Variants in RFX3 observed in about 807,000 individuals in gnomAD.
RFX3 encodes the protein transcription factor RFX3.
Under a neutral mutation model 98.6 loss-of-function variants are expected in RFX3, and 14 were observed. The observed-to-expected ratio is 0.14, with a 90% CI of 0.09 to 0.22. The LOEUF (loss-of-function observed/expected upper bound fraction) is 0.22, where lower values mean the gene tolerates loss of function less well. Among genes scored for constraint, RFX3 ranks in the 10% least tolerant of loss-of-function variants. RFX3 has a pLI of 1.00. For missense variants in RFX3, 639 were observed against 926.9 expected (o/e 0.69, Z 4.03); for synonymous variants, 383 against 328.4 (o/e 1.17, Z -1.80).
chr9:3,247,250 C>T lies in RFX3; in HGVS notation c.1968+782G>A, dbSNP rs1449249482. On this transcript the variant is annotated intron_variant, in intron 15 of 16. Transcript: ENST00000617270. Reference sequence around the variant, plus strand: ...ATCTATTCCTCATTATATTAACCAGCCCTTGTTATATTCAGAGTTTAAGCT... The same window carrying T: ...ATCTATTCCTCATTATATTAACCAGTCCTTGTTATATTCAGAGTTTAAGCT... 3.6e-6 allele frequency: 3 copies of T among 838,740 alleles called. No homozygotes were observed. In the South Asian group the frequency reaches 1.8e-4, roughly 51 times the overall value. The allele number at this position is 838,740 out of a possible 1,614,324, so 52.0% of individuals were successfully genotyped here. A position where few individuals can be genotyped will look rare whatever the true frequency, so the allele number is the denominator to read the frequency against.
chr9:3,250,799 T>C (rs997097404), intron 14 of RFX3, among the ~76,000 whole-genome samples: 1 of 152,084 alleles, frequency 6.6e-6, no homozygotes, highest in African/African-American at 2.4e-5. Flanking sequence ...CATACAAAGA[T>C]GTTTATAATA....
chr9:3,297,177 A>G lies in RFX3; in HGVS notation c.550-3919T>C, dbSNP rs558122355. Among the ~76,000 whole-genome samples the G allele has an allele frequency of 1.5e-3, 228 of 152,202 alleles. 1 individual carries two copies. The highest frequency in any genetic ancestry group is 5.1e-3 in the African/African-American group (212 of 41,556). On this transcript the variant is annotated intron_variant, in intron 5 of 16. Transcript: ENST00000617270. Reference sequence around the variant, plus strand: ...TAATACAATGTATTTGGACATTAGTATTCCCCAATCTTAACATTCAATAAT... The same window carrying G: ...TAATACAATGTATTTGGACATTAGTGTTCCCCAATCTTAACATTCAATAAT...
At chr9:3,341,210 C>T (rs1320112154) in intron 3 of RFX3, among the ~76,000 whole-genome samples, 1 of 151,356 alleles carries the variant, frequency 6.6e-6, no homozygotes, top group Non-Finnish European at 1.5e-5. Flanking sequence ...ACAATGAGAA[C>T]ACATGGACAC....
chr9:3,331,350 A>AT (rs1832581255), intron 3 of RFX3, among the ~76,000 whole-genome samples: 1 of 152,086 alleles, frequency 6.6e-6, no homozygotes, highest in African/African-American at 2.4e-5. Context: ...TGATTCATCT[A>AT]TTTTTATTTT....
chr9:3,394,580 T>C (rs1840663503), intron 2 of RFX3, among the ~76,000 whole-genome samples: 1 of 152,218 alleles, frequency 6.6e-6, no homozygotes, highest in South Asian at 2.1e-4. Flanking sequence ...CTATATCCTG[T>C]AAAGAATATA....
chr9:3,322,786 T>A (rs370013330), intron 4 of RFX3, among the ~76,000 whole-genome samples: 1 of 152,210 alleles, frequency 6.6e-6, no homozygotes, highest in Non-Finnish European at 1.5e-5. Flanking sequence ...TTAGTTGTTA[T>A]AGTTTTTAAT....
chr9:3,301,686 T>G, intron 4 of RFX3, 66 bp from the exon 5 acceptor site: 1 of 1,141,154 alleles, frequency 8.8e-7, no homozygotes, highest in Non-Finnish European at 1.3e-6. Context: ...GACCAGAGAA[T>G]TTCTGATAGA....
chr9:3,361,982 G>C (rs191205307), intron 2 of RFX3, among the ~76,000 whole-genome samples: 30 of 152,062 alleles, frequency 2.0e-4, no homozygotes, highest in Admixed American at 1.6e-3. Flanking sequence ...TAAGTCACAG[G>C]CTATTTAATA....
chr9:3,427,236 TATAA>T (rs1458944857), intron 1 of RFX3, among the ~76,000 whole-genome samples: 1 of 144,618 alleles, frequency 6.9e-6, no homozygotes, highest in East Asian at 2.0e-4. Context: ...CAATATAATA[TATAA>T]ATAAAATATA....
At chr9:3,300,124 T>C (rs576825251) in intron 5 of RFX3, among the ~76,000 whole-genome samples, 4 of 151,634 alleles carry the variant, frequency 2.6e-5, no homozygotes, top group African/African-American at 9.7e-5. Context: ...CACAGCCTAG[T>C]AGTATACAGG....
chr9:3,305,074 G>C (rs1262526907), intron 4 of RFX3, among the ~76,000 whole-genome samples: 1 of 152,040 alleles, frequency 6.6e-6, no homozygotes, highest in African/African-American at 2.4e-5. Flanking sequence ...AAAGATGGAA[G>C]TGTTCAGGGG....
At chr9:3,502,596 T>C (rs1265726920) in intron 1 of RFX3, among the ~76,000 whole-genome samples, 3 of 152,236 alleles carry the variant, frequency 2.0e-5, no homozygotes, top group African/African-American at 4.8e-5. Flanking sequence ...TGAAAAATTA[T>C]ACAGTATTCA....
chr9:3,450,423 A>C (rs536145909), intron 1 of RFX3, among the ~76,000 whole-genome samples: 5 of 152,172 alleles, frequency 3.3e-5, no homozygotes, highest in Admixed American at 3.3e-4. Flanking sequence ...TCCTTAACAA[A>C]ACATTCTCCC....
intron 1 of RFX3, among the ~76,000 whole-genome samples, chr9:3,486,128 CAAAAAAAAAAAAAAA>C (rs772747349): frequency 6.1e-5 from 3 of 49,156 alleles, no homozygotes; most frequent in African/African-American, 2.5e-4. Context: ...TGTCTCAAAC[CAAAAAAAAAAAAAAA>C]AAAAAAAAAA....
intron 1 of RFX3, among the ~76,000 whole-genome samples, chr9:3,497,377 A>T (rs996583876): frequency 1.3e-5 from 2 of 152,036 alleles, no homozygotes; most frequent in African/African-American, 4.8e-5. Context: ...TATTAAATTC[A>T]CAGTGGCTCC....
intron 1 of RFX3, among the ~76,000 whole-genome samples, chr9:3,471,419 C>A (rs1021371852): frequency 1.3e-5 from 2 of 152,178 alleles, no homozygotes; most frequent in African/African-American, 2.4e-5. Context: ...TCTCCTAATT[C>A]CAAGTCTAGT....
intron 4 of RFX3, among the ~76,000 whole-genome samples, chr9:3,307,627 T>G (rs1829480826): frequency 6.6e-6 from 1 of 152,192 alleles, no homozygotes; most frequent in South Asian, 2.1e-4. Flanking sequence ...TGGCCTTTAT[T>G]TCATCACTAT....
intron 15 of RFX3, chr9:3,246,890 T>C (rs971975252): frequency 1.0e-5 from 2 of 196,734 alleles, no homozygotes; most frequent in African/African-American, 2.4e-5. Context: ...TTTAAAGAAG[T>C]GGAAAAGATG....
intron 1 of RFX3, among the ~76,000 whole-genome samples, chr9:3,505,944 A>C (rs1817047727): frequency 6.6e-6 from 1 of 151,808 alleles, no homozygotes; most frequent in Admixed American, 6.6e-5. Flanking sequence ...TCATTCTTGT[A>C]TCCTTCACAG....
Sources: allele counts gnomAD v4.1 joint callset (sites outside exome capture counted in the v4.1 genomes callset), GRCh38; gene constraint gnomAD v4.1.1; transcripts MANE v1.5; gene names NCBI Gene and HGNC (gene_info 2026-07-23, HGNC 2026-07-21).